The following PTPRN2 variants were observed in gnomAD, a reference collection of about 807,000 sequenced individuals.
The protein encoded by PTPRN2 is receptor-type tyrosine-protein phosphatase N2.
A neutral mutation model predicts 118.8 loss-of-function variants in PTPRN2; 74 were observed. That is an observed-to-expected ratio of 0.62 (90% CI 0.52 to 0.76). The LOEUF is 0.76. Among genes scored for constraint, PTPRN2 ranks in the 30% least tolerant of loss-of-function variants. The probability of loss-of-function intolerance (pLI) is 0.00; values close to 1 mark genes in which losing one functional copy is unlikely to be tolerated. For synonymous variants in PTPRN2, 641 were observed against 608.0 expected (o/e 1.05, Z -0.80); for missense variants, 1,481 against 1,394.4 (o/e 1.06, Z -0.99).
chr7:158,231,585 A>C (rs1829165995), intron 3 of PTPRN2, among the ~76,000 whole-genome samples: 2 of 152,244 alleles, frequency 1.3e-5, no homozygotes, highest in Non-Finnish European at 2.9e-5. Flanking sequence ...AAATCAACAA[A>C]GAAACTTTAG....
At chr7:158,108,838 G>T (rs1249376496) in intron 10 of PTPRN2, among the ~76,000 whole-genome samples, 1 of 152,250 alleles carries the variant, frequency 6.6e-6, no homozygotes, top group Admixed American at 6.5e-5. Context: ...CCAGCTCCTG[G>T]TGCGAGGCCA....
At chr7:158,046,417 G>A (rs1460198158) in intron 11 of PTPRN2, among the ~76,000 whole-genome samples, 1 of 150,766 alleles carries the variant, frequency 6.6e-6, no homozygotes, top group Non-Finnish European at 1.5e-5. Context: ...CTGTCCAGGA[G>A]CAGAAACTGC....
chr7:158,028,581 C>A (rs1354305905), intron 11 of PTPRN2: 5 of 152,450 alleles, frequency 3.3e-5, no homozygotes, highest in Non-Finnish European at 7.3e-5. Context: ...CTCCACTAAC[C>A]AACCGACGCA....
At chr7:157,840,395 T>G (rs971557489) in intron 12 of PTPRN2, among the ~76,000 whole-genome samples, 8 of 139,290 alleles carry the variant, frequency 5.7e-5, no homozygotes. Flanking sequence ...CGTGTGACTG[T>G]GTGACCGTGT....
At chr7:157,754,396 C>T (rs547606582) in intron 12 of PTPRN2, among the ~76,000 whole-genome samples, 1 of 152,264 alleles carries the variant, frequency 6.6e-6, no homozygotes, top group South Asian at 2.1e-4. Context: ...TCGGCTTCCA[C>T]CAAACAGGGT....
At chr7:157,734,649 A>G (rs1437966453) in intron 12 of PTPRN2, among the ~76,000 whole-genome samples, 5 of 152,192 alleles carry the variant, frequency 3.3e-5, no homozygotes, top group Non-Finnish European at 7.3e-5. Flanking sequence ...CTCTATTCTT[A>G]ACTCTGCTCC....
chr7:158,151,612 A>C (rs1364188010), intron 6 of PTPRN2, among the ~76,000 whole-genome samples: 4 of 152,076 alleles, frequency 2.6e-5, no homozygotes, highest in Non-Finnish European at 5.9e-5. Flanking sequence ...CCTCCCCTTC[A>C]GGGACAGATG....
intron 12 of PTPRN2, among the ~76,000 whole-genome samples, chr7:157,721,334 C>T (rs1473730317): frequency 6.6e-6 from 1 of 152,206 alleles, no homozygotes; most frequent in East Asian, 1.9e-4. Flanking sequence ...GTCTCCCATC[C>T]ACATCCCTTC....
intron 3 of PTPRN2, among the ~76,000 whole-genome samples, chr7:158,273,189 G>C (rs1304049757): frequency 6.6e-6 from 1 of 152,180 alleles, no homozygotes; most frequent in East Asian, 1.9e-4. Flanking sequence ...AACCCTCCTA[G>C]GACAGGGCAC....
intron 21 of PTPRN2, among the ~76,000 whole-genome samples, chr7:157,551,855 GCACGCACCCCATGGGCAC>G (rs1189099174): frequency 1.6e-3 from 54 of 33,202 alleles, no homozygotes; most frequent in Admixed American, 4.3e-3. Flanking sequence ...CCCACAGCCA[GCACGCACCCCATGGGCAC>G]CACGCACCCC....
chr7:157,728,077 C>G (rs1799695947), intron 12 of PTPRN2, among the ~76,000 whole-genome samples: 1 of 152,232 alleles, frequency 6.6e-6, no homozygotes, highest in Non-Finnish European at 1.5e-5. Flanking sequence ...CTGAGGGCCA[C>G]CTGGTACCCG....
chr7:158,454,732 AG>A (rs1265653846), intron 2 of PTPRN2, among the ~76,000 whole-genome samples: 1 of 152,226 alleles, frequency 6.6e-6, no homozygotes, highest in African/African-American at 2.4e-5. Flanking sequence ...AGAGATGAAG[AG>A]GGTGCAGGCT....
At chr7:158,583,156 G>A (rs985333999) in intron 1 of PTPRN2, among the ~76,000 whole-genome samples, 3 of 152,130 alleles carry the variant, frequency 2.0e-5, no homozygotes, top group Non-Finnish European at 4.4e-5. Flanking sequence ...CCAAAAATTA[G>A]GTAATCCCGC....
intron 3 of PTPRN2, among the ~76,000 whole-genome samples, chr7:158,212,007 C>A (rs1414897393): frequency 6.6e-6 from 1 of 152,078 alleles, no homozygotes; most frequent in African/African-American, 2.4e-5. Context: ...AATGTGGTAC[C>A]TCTACACAGT....
At chr7:158,460,776 C>T (rs1020292675) in intron 2 of PTPRN2, among the ~76,000 whole-genome samples, 10 of 152,252 alleles carry the variant, frequency 6.6e-5, no homozygotes, top group Non-Finnish European at 1.5e-4. Flanking sequence ...CGTTCATGAT[C>T]GAGCTTATTC....
intron 10 of PTPRN2, among the ~76,000 whole-genome samples, chr7:158,097,446 G>C (rs1814721929): frequency 6.6e-6 from 1 of 152,230 alleles, no homozygotes; most frequent in Non-Finnish European, 1.5e-5. Flanking sequence ...CCCACCAGGA[G>C]AGCACATGAA....
chr7:158,252,086 A>G (rs530864199), intron 3 of PTPRN2, among the ~76,000 whole-genome samples: 1 of 152,266 alleles, frequency 6.6e-6, no homozygotes, highest in Non-Finnish European at 1.5e-5. Context: ...TGGTCCCTCC[A>G]TCCATCCTTC....
In PTPRN2 at chr7:158,525,385, T is replaced by C. The variant is rs1824694789; in HGVS notation, c.113-35600A>G. ...GCAGGATGCTAGGCCCCAGGGGCCA[T>C]GGGCTACGCACGGGCCAGGTTTCCA... On this transcript the variant is annotated intron_variant, in intron 1 of 22. Coordinates refer to ENST00000389418, the MANE Select transcript of PTPRN2 (RefSeq NM_002847.5). The surrounding 1 kb of genome is among the most constrained non-coding windows in gnomAD (Gnocchi z 4.1). Among the ~76,000 whole-genome samples, 1 of 152,164 alleles carries C rather than the reference T, an allele frequency of 6.6e-6. No homozygotes were observed. The highest frequency in any genetic ancestry group is 1.5e-5 in the Non-Finnish European group (1 of 68,038).
chr7:157,804,079 G>A (rs1805481226), intron 12 of PTPRN2, among the ~76,000 whole-genome samples: 1 of 152,168 alleles, frequency 6.6e-6, no homozygotes, highest in Non-Finnish European at 1.5e-5. Context: ...AATTAAAGAG[G>A]ATCTTATGGG....
Sources: allele counts gnomAD v4.1 joint callset (sites outside exome capture counted in the v4.1 genomes callset), GRCh38; gene constraint gnomAD v4.1.1; non-coding constraint Gnocchi (gnomAD v3.1); transcripts MANE v1.5; gene names NCBI Gene and HGNC (gene_info 2026-07-23, HGNC 2026-07-21).